SPAG17: variants seen among roughly 807,000 people sequenced by gnomAD.
SPAG17 encodes sperm associated antigen 17.
A neutral mutation model predicts 273.6 loss-of-function variants in SPAG17; 169 were observed. The ratio of observed to expected loss-of-function variants is 0.62; its 90% CI spans 0.55 to 0.70. The LOEUF (loss-of-function observed/expected upper bound fraction) is 0.70. SPAG17 is among the 30% of genes least tolerant of loss of function. The pLI, the probability that SPAG17 is intolerant of heterozygous loss-of-function variation, is 0.00. For synonymous variants in SPAG17, 825 were observed against 873.2 expected, an observed-to-expected ratio of 0.94 and a Z score of 0.97; for missense variants, 2,557 against 2,627.8, an observed-to-expected ratio of 0.97 and a Z score of 0.59.
chr1:118,066,098 C>T (rs1652934773), intron 18 of SPAG17, among the ~76,000 whole-genome samples: 2 of 151,916 alleles, frequency 1.3e-5, no homozygotes, highest in Admixed American at 1.3e-4. Flanking sequence ...GTATATTCCC[C>T]CAATTATTAT....
At position 118,086,556 on chromosome 1, in the gene SPAG17, T is replaced by A. The variant is rs747525232; in HGVS notation, c.1611+115A>T. 4 of 881,364 alleles carry A rather than the reference T, an allele frequency of 4.5e-6. 1 individual carries two copies. The South Asian group carries it at 6.5e-5, about 14-fold the overall frequency. The allele number at this position is 881,364 out of a possible 1,614,324, so 54.6% of individuals were successfully genotyped here. On this transcript the variant is annotated intron_variant, in intron 12 of 48. Coordinates refer to ENST00000336338, the MANE Select transcript of SPAG17 (RefSeq NM_206996.4). ...ACTTTGTATGCAAGTATCTATTTTG[T>A]ACATTACATTTTAATTAGTGTTGAT...
At chr1:117,974,917 C>T (rs1448793536) in intron 43 of SPAG17, among the ~76,000 whole-genome samples, 1 of 152,144 alleles carries the variant, frequency 6.6e-6, no homozygotes, top group African/African-American at 2.4e-5. Context: ...TAATCTTGGA[C>T]TGCTCAGCAT....
chr1:118,124,265 T>C (rs1657580391), intron 3 of SPAG17, among the ~76,000 whole-genome samples: 1 of 152,176 alleles, frequency 6.6e-6, no homozygotes, highest in Admixed American at 6.5e-5. Context: ...CCCTCTGAAG[T>C]CATTCTTGGT....
intron 46 of SPAG17, among the ~76,000 whole-genome samples, chr1:117,967,545 G>A (rs981300832): frequency 6.6e-6 from 1 of 152,192 alleles, no homozygotes. Context: ...TGCATTCAAA[G>A]CCGTCCTGGG....
chr1:118,151,185 T>TA (rs761598032), intron 2 of SPAG17, 44 bp downstream of exon 2: 2 of 1,445,034 alleles, frequency 1.4e-6, no homozygotes, highest in Admixed American at 4.6e-5. Context: ...TTATTTTAAG[T>TA]AAAAAAGTCT....
chr1:118,070,664 A>G (rs1277261825), intron 17 of SPAG17, among the ~76,000 whole-genome samples: 1 of 152,258 alleles, frequency 6.6e-6, no homozygotes, highest in Admixed American at 6.5e-5. Flanking sequence ...CCACATTTTA[A>G]AAAGTAAAAA....
At chr1:118,116,351 T>C (rs1431389271) in intron 3 of SPAG17, among the ~76,000 whole-genome samples, 1 of 152,242 alleles carries the variant, frequency 6.6e-6, no homozygotes. Context: ...TTTTGACTTT[T>C]GTTTTTAAGC....
At chr1:118,065,631 G>A (rs1652879086) in intron 18 of SPAG17, among the ~76,000 whole-genome samples, 1 of 151,954 alleles carries the variant, frequency 6.6e-6, no homozygotes, top group Non-Finnish European at 1.5e-5. Flanking sequence ...CTTACTACAG[G>A]AACGCAAGTT....
chr1:118,023,006 C>T (rs1647289236), intron 28 of SPAG17, among the ~76,000 whole-genome samples: 1 of 152,120 alleles, frequency 6.6e-6, no homozygotes, highest in South Asian at 2.1e-4. Flanking sequence ...ATAATCTTGA[C>T]ATTACCAATC....
chr1:117,954,006 G>A lies in SPAG17; in HGVS notation c.*44C>T. ...CTTCTTTCCTTTCTCATCCTCTGTA[G>A]GCTGAGAGGATTATGGAGGCTATTG... On this transcript the variant is annotated 3_prime_UTR_variant, in exon 49 of 49. Coordinates refer to ENST00000336338, the MANE Select transcript of SPAG17 (RefSeq NM_206996.4). 1 of 1,609,370 alleles carries A rather than the reference G, an allele frequency of 6.2e-7. No individual in the cohort carries two copies. Among genetic ancestry groups the A allele is most frequent in the Non-Finnish European group, 8.5e-7 (1 of 1,177,460 alleles).
Position 117,963,813 on chromosome 1 carries a change from C to T in SPAG17, c.6658G>A (p.Val2220Ile). 1 of 1,612,614 alleles carries T rather than the reference C, an allele frequency of 6.2e-7. No homozygotes were observed. The highest frequency in any genetic ancestry group is 8.5e-7 in the Non-Finnish European group (1 of 1,179,242). ...ACTTACTGTACCTAATGTGGAGAAA[C>T]TTTACGAGACATGAAGACTCCAAGT... ...STLGVFMSRKVSPH is the reference protein window; with the variant it reads ...STLGVFMSRKISPH Residue 2220 changes from valine to isoleucine, a missense_variant, in exon 48 of 49, where the codon GTT (valine) becomes ATT (isoleucine). Transcript: ENST00000336338.
intron 20 of SPAG17, among the ~76,000 whole-genome samples, chr1:118,049,005 T>C (rs1361892782): frequency 6.6e-6 from 1 of 152,152 alleles, no homozygotes; most frequent in African/African-American, 2.4e-5. Flanking sequence ...CCTAGAAGCA[T>C]ACAACTTACC....
chr1:118,052,850 A>T (rs1651217183), intron 20 of SPAG17, among the ~76,000 whole-genome samples: 1 of 152,030 alleles, frequency 6.6e-6, no homozygotes, highest in Admixed American at 6.6e-5. Context: ...AAATAATAAT[A>T]TGCCATGAAC....
At chr1:118,096,304 T>G (rs1655696538) in intron 7 of SPAG17, among the ~76,000 whole-genome samples, 1 of 151,880 alleles carries the variant, frequency 6.6e-6, no homozygotes, top group Admixed American at 6.6e-5. Flanking sequence ...TACCCTCAGC[T>G]GTAGAAACAG....
intron 48 of SPAG17, chr1:117,957,080 A>ATC: frequency 6.3e-7 from 1 of 1,586,082 alleles, no homozygotes. Flanking sequence ...AGCTGGAAGA[A>ATC]TCTCTACTTG....
At chr1:117,993,689 CATT>C (rs1657349222) in intron 35 of SPAG17, among the ~76,000 whole-genome samples, 1 of 152,160 alleles carries the variant, frequency 6.6e-6, no homozygotes, top group South Asian at 2.1e-4. Flanking sequence ...CAATCAAAAA[CATT>C]ATCTCAATTA....
chr1:118,185,159 C>T lies in SPAG17; in HGVS notation c.-2G>A, dbSNP rs770406682. 3.1e-6 allele frequency: 5 copies of T among 1,612,996 alleles called. No homozygotes were observed. The South Asian group carries it at 5.5e-5, about 18-fold the overall frequency. ...TCCTTTCTCCTTCTTGGGTGCCATG[C>T]AAAGGACGGGAGAAGCATTGGCCTC... On this transcript the variant is annotated 5_prime_UTR_variant, in exon 1 of 49. Transcript: ENST00000336338.
At chr1:118,154,091 C>A (rs973241784) in intron 1 of SPAG17, among the ~76,000 whole-genome samples, 1 of 152,116 alleles carries the variant, frequency 6.6e-6, no homozygotes, top group South Asian at 2.1e-4. Context: ...TGAAGTCACT[C>A]TGAGACAGTC....
In SPAG17 at chr1:118,041,938, A is replaced by G. The variant is rs1649810740; in HGVS notation, c.2919T>C (p.Asp973=). 2 of 1,613,652 alleles carry G rather than the reference A, an allele frequency of 1.2e-6. No individual in the cohort carries two copies. Among genetic ancestry groups the G allele is most frequent in the Non-Finnish European group, 1.7e-6 (2 of 1,179,894 alleles). Residue 973 remains aspartate, a synonymous_variant, in exon 21 of 49, where the codon GAT becomes GAC. Transcript: ENST00000336338. ...GKEAGKKKGK[D]NAEKEDSRSL... is the part of the protein sequence containing the mutation. ...ACCTACTATCCTCTTTCTCTGCGTT[A>G]TCCTTGCCTTTCTTTTTACCAGCTT...
Sources: gnomAD v4.1 joint callset for allele counts (sites outside exome capture counted in the v4.1 genomes callset) on GRCh38, gnomAD v4.1.1 for gene constraint, MANE v1.5 for transcripts, NCBI Gene and HGNC (gene_info 2026-07-23, HGNC 2026-07-21) for gene names.